The following GRIK3 variants were observed in gnomAD, a reference collection of about 807,000 sequenced individuals.
The protein encoded by GRIK3 is glutamate ionotropic receptor kainate type subunit 3.
Under a neutral mutation model 102.5 loss-of-function variants are expected in GRIK3, and 29 were observed. The ratio of observed to expected loss-of-function variants is 0.28; its 90% CI spans 0.21 to 0.39. The LOEUF (loss-of-function observed/expected upper bound fraction) is 0.39. Ranked by LOEUF, GRIK3 falls within the 10% of genes least tolerant of loss-of-function variation. GRIK3 has a pLI of 1.00. For synonymous variants in GRIK3, 511 were observed against 504.9 expected, an observed-to-expected ratio of 1.01 and a Z score of -0.16; for missense variants, 908 against 1,252.4, an observed-to-expected ratio of 0.73 and a Z score of 4.15.
intron 14 of GRIK3, 58 bp from the exon 15 acceptor site, chr1:36,805,295 G>T (rs1212356602): frequency 6.5e-7 from 1 of 1,541,234 alleles, no homozygotes; most frequent in East Asian, 2.3e-5. Context: ...TCTGTGTTTG[G>T]CTCTGCCAAC....
At chr1:36,957,283 T>TCTGTGTGCCCATGAGC (rs1641921702) in intron 1 of GRIK3, among the ~76,000 whole-genome samples, 1 of 150,092 alleles carries the variant, frequency 6.7e-6, no homozygotes, top group African/African-American at 2.5e-5. Flanking sequence ...GTTCTGTGAG[T>TCTGTGTGCCCATGAGC]CTGTGTGCCC....
intron 1 of GRIK3, among the ~76,000 whole-genome samples, chr1:36,947,666 C>T (rs1641799740): frequency 6.6e-6 from 1 of 151,926 alleles, no homozygotes; most frequent in African/African-American, 2.4e-5. Flanking sequence ...CCAGTGAGCT[C>T]CTCACCCTTC....
intron 1 of GRIK3, among the ~76,000 whole-genome samples, chr1:36,964,943 G>GA (rs1304124135): frequency 6.6e-6 from 1 of 152,204 alleles, no homozygotes; most frequent in Admixed American, 6.5e-5. Flanking sequence ...GAAAGGTTTT[G>GA]AAACGCTGTT....
rs547991816 is a variant in GRIK3, at chr1:36,962,575, G to C, written c.115+71419C>G. Among the ~76,000 whole-genome samples, 11 of 151,904 alleles carry C rather than the reference G, an allele frequency of 7.2e-5. No individual in the cohort carries two copies. The East Asian group carries it at 2.1e-3, about 30-fold the overall frequency. The stretch of plus-strand genomic sequence containing the variant: ...CCTGGGTTTGTGTGCAGTGGGGCCT[G>C]AGGCGAGCAAGCAGACGGTGGCTGA... On this transcript the variant is annotated intron_variant, in intron 1 of 15. Coordinates refer to ENST00000373091, the MANE Select transcript of GRIK3 (RefSeq NM_000831.4).
chr1:36,882,280 TC>T (rs1237760155), intron 2 of GRIK3, among the ~76,000 whole-genome samples: 1 of 152,170 alleles, frequency 6.6e-6, no homozygotes, highest in Non-Finnish European at 1.5e-5. Flanking sequence ...CAGTTCAGGT[TC>T]TTGCAGAGGT....
intron 1 of GRIK3, among the ~76,000 whole-genome samples, chr1:36,903,454 A>G (rs1342205453): frequency 1.3e-5 from 2 of 152,258 alleles, no homozygotes; most frequent in Non-Finnish European, 2.9e-5. Context: ...CGCAAGTGCA[A>G]TGGCACTCCT....
At chr1:36,827,872 T>G (rs1000867709) in intron 10 of GRIK3, among the ~76,000 whole-genome samples, 3 of 152,018 alleles carry the variant, frequency 2.0e-5, no homozygotes, top group Admixed American at 1.3e-4. Context: ...TCACTGACAC[T>G]TGGAGTCCAA....
chr1:36,899,715 AG>A (rs1261696557), intron 1 of GRIK3, among the ~76,000 whole-genome samples: 1 of 152,198 alleles, frequency 6.6e-6, no homozygotes, highest in Non-Finnish European at 1.5e-5. Context: ...ACAATAAAAA[AG>A]TAAATGAATG....
chr1:36,965,290 A>G (rs904140930), intron 1 of GRIK3, among the ~76,000 whole-genome samples: 3 of 152,242 alleles, frequency 2.0e-5, no homozygotes, highest in Admixed American at 6.5e-5. Flanking sequence ...AGAAAATTTA[A>G]TGACTCTTCC....
chr1:36,820,059 C>A (rs1214394606), intron 11 of GRIK3, among the ~76,000 whole-genome samples: 2 of 152,180 alleles, frequency 1.3e-5, no homozygotes, highest in African/African-American at 4.8e-5. Context: ...ACCAGCATCT[C>A]GTAAAATTAA....
intron 1 of GRIK3, among the ~76,000 whole-genome samples, chr1:37,027,837 C>T (rs1467904366): frequency 8.5e-5 from 13 of 152,154 alleles, no homozygotes. Flanking sequence ...GCTCCCCTGG[C>T]CCCATGGGAG....
intron 5 of GRIK3, among the ~76,000 whole-genome samples, chr1:36,868,047 T>A (rs1640804562): frequency 6.6e-6 from 1 of 152,070 alleles, no homozygotes; most frequent in Non-Finnish European, 1.5e-5. Context: ...GGGGTCAAGA[T>A]CGAAGGTCTT....
intron 1 of GRIK3, among the ~76,000 whole-genome samples, chr1:36,924,001 T>C (rs111237114): frequency 4.6e-5 from 7 of 151,868 alleles, no homozygotes; most frequent in African/African-American, 1.7e-4. Context: ...TACACATGAG[T>C]GCACACATGT....
Position 36,806,270 on chromosome 1 carries a change from C to T in GRIK3, c.2148G>A (p.Ser716=), listed in dbSNP as rs746809134. The change falls in exon 14 of 16, where the codon TCG becomes TCA. Residue 716 remains serine, a synonymous_variant. Coordinates refer to ENST00000373091, the MANE Select transcript of GRIK3 (RefSeq NM_000831.4). This position sits in a 1 kb window ranked among gnomAD's most constrained non-coding sequence, Gnocchi z 4.0. ...CCTCCTCGTTGTTCTTCACCAGCGCCGATGGCTTGCTGCTCATGAAGGCCC... is the reference window on the plus strand; with the variant it reads ...CCTCCTCGTTGTTCTTCACCAGCGCTGATGGCTTGCTGCTCATGAAGGCCC... The part of the protein sequence containing the change: ...KMWAFMSSKP[S]ALVKNNEEGI... 44 of 1,614,044 alleles carry T rather than the reference C, an allele frequency of 2.7e-5. No individual in the cohort carries two copies. In the Admixed American group the frequency reaches 4.3e-4, roughly 16 times the overall value.
chr1:36,871,057 TGG>T (rs1461679118), intron 4 of GRIK3, among the ~76,000 whole-genome samples: 1 of 152,126 alleles, frequency 6.6e-6, no homozygotes, highest in Non-Finnish European at 1.5e-5. Context: ...AACTGCCTGC[TGG>T]GTGTCAGAAG....
intron 1 of GRIK3, among the ~76,000 whole-genome samples, chr1:37,030,535 A>ACCC (rs1312336665): frequency 2.9e-5 from 2 of 69,910 alleles, no homozygotes; most frequent in African/African-American, 1.1e-4. Flanking sequence ...CCTTTTCCCC[A>ACCC]CCCCCCACCC....
At chr1:36,899,805 C>A (rs1641215434) in intron 1 of GRIK3, among the ~76,000 whole-genome samples, 1 of 152,108 alleles carries the variant, frequency 6.6e-6, no homozygotes, top group Non-Finnish European at 1.5e-5. Flanking sequence ...GGTCAAGGAA[C>A]TTTATCAGAG....
intron 1 of GRIK3, among the ~76,000 whole-genome samples, chr1:37,029,230 G>A (rs183305206): frequency 1.3e-5 from 2 of 152,336 alleles, no homozygotes; most frequent in East Asian, 3.9e-4. Flanking sequence ...TAGTGCATCT[G>A]TCTTCCCAGA....
intron 1 of GRIK3, among the ~76,000 whole-genome samples, chr1:36,916,514 T>C (rs1363671694): frequency 6.6e-6 from 1 of 152,034 alleles, no homozygotes; most frequent in African/African-American, 2.4e-5. Flanking sequence ...CATGGAGACC[T>C]AGGAGAAAAA....
Sources: gnomAD v4.1 joint callset for allele counts (sites outside exome capture counted in the v4.1 genomes callset) on GRCh38, gnomAD v4.1.1 for gene constraint, Gnocchi (gnomAD v3.1) non-coding constraint, MANE v1.5 for transcripts, NCBI Gene and HGNC (gene_info 2026-07-23, HGNC 2026-07-21) for gene names.